FAM13A: variants seen among roughly 807,000 people sequenced by gnomAD.
FAM13A encodes family with sequence similarity 13 member A.
Under a neutral mutation model 129.6 loss-of-function variants are expected in FAM13A, and 76 were observed. The observed-to-expected ratio is 0.59, with a 90% CI of 0.49 to 0.71. FAM13A has a LOEUF of 0.71. Among genes scored for constraint, FAM13A ranks in the 30% least tolerant of loss-of-function variants. The pLI is 0.00. For synonymous variants in FAM13A, 443 were observed against 449.9 expected (o/e 0.98, Z 0.20); for missense variants, 1,108 against 1,249.3 (o/e 0.89, Z 1.70).
In FAM13A at chr4:88,781,360, G is replaced by C. The variant is rs1578626017; in HGVS notation, c.1272-9C>G. 1.3e-6 allele frequency: 2 copies of C among 1,567,012 alleles called. No homozygotes were observed. ...CTTTGTTGATAAGTCCCCTTGAATT[G>C]AGAAAAAAGCTTAATTTTATTTTAA... On this transcript the variant is annotated splice_polypyrimidine_tract_variant and intron_variant, in intron 10 of 23. Transcript: ENST00000264344.
chr4:88,949,057 AC>A (rs957092178), intron 4 of FAM13A, among the ~76,000 whole-genome samples: 5 of 152,152 alleles, frequency 3.3e-5, no homozygotes, highest in Non-Finnish European at 7.4e-5. Flanking sequence ...TTTTTACAAA[AC>A]TAATATTTTT....
chr4:88,892,414 C>T (rs568337702), intron 6 of FAM13A, among the ~76,000 whole-genome samples: 3 of 151,968 alleles, frequency 2.0e-5, no homozygotes, highest in South Asian at 2.1e-4. Context: ...CTCCTGACCT[C>T]GTGACCTGCC....
intron 5 of FAM13A, among the ~76,000 whole-genome samples, chr4:88,913,750 T>G (rs1307789958): frequency 6.6e-6 from 1 of 152,178 alleles, no homozygotes; most frequent in Non-Finnish European, 1.5e-5. Flanking sequence ...CCAAATGATA[T>G]GAAATCATTC....
intron 4 of FAM13A, among the ~76,000 whole-genome samples, chr4:88,948,339 A>T (rs1044365047): frequency 1.3e-5 from 2 of 152,188 alleles, no homozygotes; most frequent in Non-Finnish European, 2.9e-5. Context: ...TAGAGATCTT[A>T]TGAAGATCAA....
At chr4:88,918,271 T>C (rs1244814249) in intron 5 of FAM13A, among the ~76,000 whole-genome samples, 1 of 152,252 alleles carries the variant, frequency 6.6e-6, no homozygotes, top group Non-Finnish European at 1.5e-5. Flanking sequence ...CAACACTGGC[T>C]ATCACTTATA....
At chr4:88,791,491 C>A (rs912398743) in intron 8 of FAM13A, among the ~76,000 whole-genome samples, 1 of 152,022 alleles carries the variant, frequency 6.6e-6, no homozygotes, top group African/African-American at 2.4e-5. Context: ...TCACAATCTG[C>A]CCTCTAGTGT....
At chr4:88,760,690 G>T (rs760364916) in intron 13 of FAM13A, among the ~76,000 whole-genome samples, 34 of 151,714 alleles carry the variant, frequency 2.2e-4, no homozygotes, top group Non-Finnish European at 3.4e-4. Flanking sequence ...TTGTTTACTG[G>T]GGAAAAAGCC....
chr4:88,788,477 A>C (rs1724435417), intron 9 of FAM13A, among the ~76,000 whole-genome samples: 1 of 152,224 alleles, frequency 6.6e-6, no homozygotes, highest in African/African-American at 2.4e-5. Flanking sequence ...ACAGCATGGC[A>C]TAATCTTTCC....
chr4:88,750,504 G>C lies in FAM13A; in HGVS notation c.1860C>G (p.Phe620Leu). 6.2e-7 allele frequency: 1 copy of C among 1,614,186 alleles called. No individual in the cohort carries two copies. Among genetic ancestry groups the C allele is most frequent in the African/African-American group, 1.3e-5 (1 of 75,054 alleles). Residue 620 changes from phenylalanine to leucine, a missense_variant, in exon 15 of 24, where the codon TTC becomes TTG. Around this residue, in one of 3 missense-constraint regions of FAM13A, gnomAD observed 529 missense variants for 621.2 expected, o/e 0.85. Coordinates refer to ENST00000264344, the MANE Select transcript of FAM13A (RefSeq NM_014883.4). ...EDSDPMLSPRFYAYGQSRQYL... is the reference protein window; with the variant it reads ...EDSDPMLSPRLYAYGQSRQYL... ...ATTGCCTGCTCTGCCCATAAGCGTA[G>C]AACCGAGGAGAGAGCATGGGGTCGC...
intron 1 of FAM13A, among the ~76,000 whole-genome samples, chr4:89,047,537 C>A (rs1314756509): frequency 6.6e-6 from 1 of 152,052 alleles, no homozygotes; most frequent in Non-Finnish European, 1.5e-5. Flanking sequence ...AGAAATTGAT[C>A]AGAGATATAA....
intron 4 of FAM13A, among the ~76,000 whole-genome samples, chr4:88,950,321 C>T (rs1756742822): frequency 1.3e-5 from 2 of 151,668 alleles, no homozygotes; most frequent in South Asian, 4.2e-4. Context: ...CTGCCTCAGC[C>T]TCCTGAGTAG....
chr4:88,801,116 C>A (rs142244518), intron 8 of FAM13A, among the ~76,000 whole-genome samples: 235 of 152,098 alleles, frequency 1.5e-3, no homozygotes, highest in African/African-American at 5.4e-3. Context: ...GAAAAATTAC[C>A]TAAAAATGCT....
At chr4:88,948,412 T>C (rs767093509) in intron 4 of FAM13A, among the ~76,000 whole-genome samples, 1 of 152,030 alleles carries the variant, frequency 6.6e-6, no homozygotes, top group African/African-American at 2.4e-5. Context: ...CAGTCAGAAG[T>C]TACCAGTGGC....
At chr4:88,785,792 G>T (rs990863893) in intron 10 of FAM13A, among the ~76,000 whole-genome samples, 1 of 152,190 alleles carries the variant, frequency 6.6e-6, no homozygotes, top group Non-Finnish European at 1.5e-5. Context: ...AAGAGAAGCC[G>T]TTCAGTGTGG....
chr4:89,007,219 A>C (rs762178636), intron 3 of FAM13A, among the ~76,000 whole-genome samples: 33 of 152,200 alleles, frequency 2.2e-4, no homozygotes, highest in Non-Finnish European at 4.1e-4. Context: ...CCTACCCTTG[A>C]ATACAGACCA....
At chr4:88,946,752 G>GCCTT in intron 4 of FAM13A, among the ~76,000 whole-genome samples, 1 of 151,796 alleles carries the variant, frequency 6.6e-6, no homozygotes, top group Non-Finnish European at 1.5e-5. Flanking sequence ...TCTGGCTAAG[G>GCCTT]AGCCAGAGTT....
At chr4:88,731,887 C>A in intron 22 of FAM13A, 115 bp downstream of exon 22, 4 of 822,214 alleles carry the variant, frequency 4.9e-6, no homozygotes, top group Non-Finnish European at 5.5e-6. Context: ...CCAGATACAC[C>A]CCAGGTAGTC....
Position 88,731,436 on chromosome 4 carries a change from A to G in FAM13A, c.2844-8T>C, listed in dbSNP as rs1176887444. On this transcript the variant is annotated splice_polypyrimidine_tract_variant and splice_region_variant and intron_variant, in intron 22 of 23. Coordinates refer to ENST00000264344, the MANE Select transcript of FAM13A (RefSeq NM_014883.4). ...TGTTCCAGGAGTTCAGGTCTAAGAG[A>G]GAGGAAGCATTGCAAGGAAATTAAG... is the stretch of plus-strand genomic sequence containing the variant. 7 of 1,512,550 alleles carry G rather than the reference A, an allele frequency of 4.6e-6. No homozygotes were observed. Among genetic ancestry groups the G allele is most frequent in the Non-Finnish European group, 6.3e-6 (7 of 1,106,172 alleles). The allele number at this position is 1,512,550 out of a possible 1,614,324, so 93.7% of individuals were successfully genotyped here.
intron 1 of FAM13A, among the ~76,000 whole-genome samples, chr4:89,033,809 C>T (rs544655233): frequency 7.0e-4 from 107 of 152,168 alleles, no homozygotes; most frequent in Non-Finnish European, 1.2e-3. Context: ...AAATTAATGT[C>T]TCTCAAAAAT....
Sources: allele counts gnomAD v4.1 joint callset (sites outside exome capture counted in the v4.1 genomes callset), GRCh38; gene constraint gnomAD v4.1.1; regional missense constraint gnomAD v4.1.1; transcripts MANE v1.5; gene names NCBI Gene and HGNC (gene_info 2026-07-23, HGNC 2026-07-21).